Variants in TENM2 observed in about 807,000 individuals in gnomAD.
TENM2 encodes teneurin-2.
TENM2 carries 52 observed loss-of-function variants against 245.2 expected under a neutral mutation model. The ratio of observed to expected loss-of-function variants is 0.21; its 90% CI spans 0.17 to 0.27. The LOEUF (loss-of-function observed/expected upper bound fraction) is 0.27. TENM2 is among the 10% of genes least tolerant of loss of function. The pLI, the probability that TENM2 is intolerant of heterozygous loss-of-function variation, is 1.00. For missense variants in TENM2, 3,046 were observed against 3,666.8 expected (o/e 0.83, Z 4.37); for synonymous variants, 1,363 against 1,438.9 (o/e 0.95, Z 1.19).
chr5:167,521,951 T>G (rs1485911948), intron 2 of TENM2, among the ~76,000 whole-genome samples: 1 of 152,154 alleles, frequency 6.6e-6, no homozygotes, highest in Non-Finnish European at 1.5e-5. Flanking sequence ...ATCCTTTGAG[T>G]GCTGAACTCT....
intron 13 of TENM2, among the ~76,000 whole-genome samples, chr5:168,183,961 GTATA>G (rs1308817649): frequency 6.6e-6 from 1 of 152,232 alleles, no homozygotes; most frequent in Admixed American, 6.5e-5. Context: ...ACTCCTTTGG[GTATA>G]ATCATCACTG....
intron 2 of TENM2, among the ~76,000 whole-genome samples, chr5:167,650,366 G>A (rs1582651603): frequency 6.6e-6 from 1 of 152,296 alleles, no homozygotes; most frequent in East Asian, 1.9e-4. Context: ...TAAAGGAGAG[G>A]TAATAATTCT....
the TENM2 span, among the ~76,000 whole-genome samples, chr5:167,142,279 C>G: frequency 6.6e-6 from 1 of 152,050 alleles, no homozygotes; most frequent in Non-Finnish European, 1.5e-5. Flanking sequence ...GCTGTCACTC[C>G]TGCCCAGAGA....
chr5:168,138,771 A>G (rs1337870979), intron 12 of TENM2, among the ~76,000 whole-genome samples: 1 of 152,234 alleles, frequency 6.6e-6, no homozygotes, highest in Non-Finnish European at 1.5e-5. Context: ...CACCCCCTCC[A>G]TCTGTTTCCA....
intron 2 of TENM2, among the ~76,000 whole-genome samples, chr5:167,556,421 C>CATAT (rs4044320): frequency 0.62 from 90,419 of 146,416 alleles, 27,978 homozygotes; most frequent in Admixed American, 0.69. Flanking sequence ...TGTATACTTA[C>CATAT]ATATATATAT....
Position 167,751,035 on chromosome 5 carries a change from G to A in TENM2, c.503-124951G>A, listed in dbSNP as rs61308269. ...AACTGATTAGTAGAAGGTAGCCACA[G>A]GGAGGGAGAGGAGTGTATGTGAACT... On this transcript the variant is annotated intron_variant, in intron 2 of 28. Transcript: ENST00000518659. 7.3e-3 allele frequency among the ~76,000 whole-genome samples: 1,108 copies of A among 152,256 alleles called. 9 individuals are homozygous for A. Among genetic ancestry groups the A allele is most frequent in the African/African-American group, 0.025 (1,018 of 41,530 alleles).
chr5:167,039,251 A>G, the TENM2 span, among the ~76,000 whole-genome samples: 1 of 152,094 alleles, frequency 6.6e-6, no homozygotes, highest in Non-Finnish European at 1.5e-5. Context: ...GCAAGCAGAC[A>G]AAGACTGACT....
chr5:168,032,377 T>C (rs17438932), intron 5 of TENM2, among the ~76,000 whole-genome samples: 23,275 of 152,176 alleles, frequency 0.15, 2,038 homozygotes, highest in Admixed American at 0.26. Flanking sequence ...TAGTTGCTGG[T>C]GAATTTATTG....
intron 5 of TENM2, among the ~76,000 whole-genome samples, chr5:168,036,905 C>G (rs947658755): frequency 3.3e-5 from 5 of 151,618 alleles, no homozygotes; most frequent in African/African-American, 1.2e-4. Flanking sequence ...TTATCCTCCC[C>G]CACCCCACCC....
chr5:167,319,153 C>T (rs1007451655), intron 1 of TENM2, among the ~76,000 whole-genome samples: 2 of 152,046 alleles, frequency 1.3e-5, no homozygotes, highest in Admixed American at 1.3e-4. Flanking sequence ...TTGTGTGGGG[C>T]CAGGCTGAAT....
intron 2 of TENM2, among the ~76,000 whole-genome samples, chr5:167,799,937 G>A (rs1229438749): frequency 3.3e-5 from 5 of 152,202 alleles, no homozygotes; most frequent in African/African-American, 1.2e-4. Flanking sequence ...GTAGGCCTGG[G>A]GTAGGCCCTA....
At position 167,328,204 on chromosome 5, in the gene TENM2, GT is replaced by G. The variant is rs70976412; in HGVS notation, c.226+43164del. The stretch of plus-strand genomic sequence containing the variant: ...CAACAGTTCGATAGTTTCTCATATC[GT>G]TTTTTTTTTTTTTTTTTTTTTTGAT... On this transcript the variant is annotated intron_variant, in intron 1 of 28. Transcript: ENST00000518659. 7.4e-3 allele frequency among the ~76,000 whole-genome samples: 677 copies of G among 90,990 alleles called. 2 individuals are homozygous for G. The highest frequency in any genetic ancestry group is 0.026 in the African/African-American group (541 of 20,680). 59.7% of individuals were successfully genotyped at this position (90,990 alleles called of 152,430 possible).
At chr5:167,078,391 GA>G in the TENM2 span, among the ~76,000 whole-genome samples, 1 of 152,068 alleles carries the variant, frequency 6.6e-6, no homozygotes, top group Non-Finnish European at 1.5e-5. Flanking sequence ...GCTGAAGGAG[GA>G]GAATCTCTTG....
At chr5:167,336,076 A>G (rs908457865) in intron 1 of TENM2, among the ~76,000 whole-genome samples, 6 of 151,856 alleles carry the variant, frequency 4.0e-5, no homozygotes, top group Non-Finnish European at 7.4e-5. Context: ...GACTCTATAC[A>G]GTGCTGCCTC....
chr5:167,268,873 C>CATAGATAGATAGATAGATAG, the TENM2 span, among the ~76,000 whole-genome samples: 27 of 139,596 alleles, frequency 1.9e-4, no homozygotes, highest in East Asian at 8.9e-4. Flanking sequence ...CCAAAAGATA[C>CATAGATAGATAGATAGATAG]ATAGATAGAT....
At chr5:167,830,063 C>T (rs1191313679) in intron 2 of TENM2, among the ~76,000 whole-genome samples, 1 of 152,226 alleles carries the variant, frequency 6.6e-6, no homozygotes, top group African/African-American at 2.4e-5. Flanking sequence ...ACTTCACATC[C>T]TTAATCCACT....
At chr5:167,779,013 T>C (rs1287824159) in intron 2 of TENM2, among the ~76,000 whole-genome samples, 6 of 152,142 alleles carry the variant, frequency 3.9e-5, no homozygotes, top group African/African-American at 1.4e-4. Context: ...GAGTTCAGAG[T>C]TTCTTTAGAG....
chr5:168,163,654 A>G (rs1353569960), intron 13 of TENM2, among the ~76,000 whole-genome samples: 1 of 152,186 alleles, frequency 6.6e-6, no homozygotes, highest in African/African-American at 2.4e-5. Flanking sequence ...AGATGCAGAC[A>G]CACTGGGAAA....
intron 2 of TENM2, among the ~76,000 whole-genome samples, chr5:167,566,065 T>A (rs73801285): frequency 0.021 from 3,252 of 152,258 alleles, 192 homozygotes; most frequent in East Asian, 0.19. Flanking sequence ...ACATCTAAAG[T>A]TTTAGGAACT....
Sources: allele counts gnomAD v4.1 joint callset (sites outside exome capture counted in the v4.1 genomes callset), GRCh38; gene constraint gnomAD v4.1.1; transcripts MANE v1.5; gene names NCBI Gene and HGNC (gene_info 2026-07-23, HGNC 2026-07-21).